The following R3HDM2 variants were observed in gnomAD, a reference collection of about 807,000 sequenced individuals.
R3HDM2 encodes the protein R3H domain-containing protein 2.
R3HDM2 carries 38 observed loss-of-function variants against 124.5 expected under a neutral mutation model. The ratio of observed to expected loss-of-function variants is 0.31; its 90% confidence interval spans 0.24 to 0.40. R3HDM2 has a LOEUF of 0.40. R3HDM2 is among the 10% of genes least tolerant of loss of function. R3HDM2 has a pLI of 1.00. For synonymous variants in R3HDM2, 391 were observed against 448.0 expected (o/e 0.87, Z 1.61); for missense variants, 869 against 1,236.9 (o/e 0.70, Z 4.46).
intron 2 of R3HDM2, among the ~76,000 whole-genome samples, chr12:57,368,955 T>C (rs538631915): frequency 6.6e-6 from 1 of 152,190 alleles, no homozygotes. Flanking sequence ...GGCTGAGAAT[T>C]TGTCTGTCAT....
At chr12:57,409,309 C>A (rs1003384378) in intron 1 of R3HDM2, among the ~76,000 whole-genome samples, 2 of 151,990 alleles carry the variant, frequency 1.3e-5, no homozygotes, top group African/African-American at 2.4e-5. Context: ...TCAAATTTTA[C>A]ACAGATCACA....
At chr12:57,260,643 G>A (rs915031747) in intron 19 of R3HDM2, among the ~76,000 whole-genome samples, 1 of 152,166 alleles carries the variant, frequency 6.6e-6, no homozygotes, top group Non-Finnish European at 1.5e-5. Context: ...CTATATTCCT[G>A]TTGAGGCTGA....
intron 1 of R3HDM2, among the ~76,000 whole-genome samples, chr12:57,421,588 GC>G (rs898673449): frequency 2.1e-4 from 32 of 151,052 alleles, no homozygotes; most frequent in African/African-American, 7.8e-4. Context: ...GCTTACTGCA[GC>G]CTTGATTCCC....
chr12:57,295,343 C>T, intron 10 of R3HDM2, 56 bp downstream of exon 10: 1 of 1,221,980 alleles, frequency 8.2e-7, no homozygotes, highest in South Asian at 1.3e-5. Flanking sequence ...CTTCTCCCTT[C>T]CCAGTTTCTC....
At chr12:57,354,893 C>T (rs2061088614) in intron 2 of R3HDM2, among the ~76,000 whole-genome samples, 1 of 151,894 alleles carries the variant, frequency 6.6e-6, no homozygotes, top group South Asian at 2.1e-4. Flanking sequence ...GGGATGATCA[C>T]AGCTCACTGC....
chr12:57,394,781 G>A (rs1371271482), intron 2 of R3HDM2, among the ~76,000 whole-genome samples: 1 of 151,976 alleles, frequency 6.6e-6, no homozygotes. Context: ...ATCTCAAGCG[G>A]GAAGAAATCA....
At chr12:57,374,361 T>A (rs1374814241) in intron 2 of R3HDM2, among the ~76,000 whole-genome samples, 2 of 151,046 alleles carry the variant, frequency 1.3e-5, no homozygotes, top group African/African-American at 4.9e-5. Context: ...GGCTGGACAG[T>A]CAATCATAAA....
chr12:57,254,917 C>A lies in R3HDM2; in HGVS notation c.2829G>T (p.Leu943Phe). Residue 943 changes from leucine (L) to phenylalanine (F), a missense_variant, in exon 24 of 24, where the codon TTG becomes TTT. By Grantham distance (22) the Leu-to-Phe change is conservative. Coordinates refer to ENST00000402412, the MANE Select transcript of R3HDM2 (RefSeq NM_001394031.1). ...ENGRHSDLAA[L>F]YTIVAVFPSP... ...TGGGGAACACAGCCACAATGGTGTA[C>A]AAGGCAGCGAGGTCCGAGTGGCGGC... 6.2e-7 allele frequency: 1 copy of A among 1,614,132 alleles called. No homozygotes were observed. Among genetic ancestry groups the A allele is most frequent in the Non-Finnish European group, 8.5e-7 (1 of 1,180,010 alleles).
chr12:57,300,277 G>C (rs1592946350), intron 4 of R3HDM2, 96 bp from the exon 5 acceptor site: 1 of 1,095,896 alleles, frequency 9.1e-7, no homozygotes, highest in African/African-American at 1.6e-5. Flanking sequence ...TGAATGAAAA[G>C]TGTCCTCTTT....
intron 11 of R3HDM2, among the ~76,000 whole-genome samples, chr12:57,289,621 T>C (rs747784834): frequency 6.6e-6 from 1 of 152,206 alleles, no homozygotes; most frequent in Non-Finnish European, 1.5e-5. Context: ...TTGGGGATCA[T>C]TTCCTGACAA....
rs1358712971 is a variant in R3HDM2 at position 57,284,033 on chromosome 12, C to T, written c.962G>A (p.Arg321His). Residue 321 changes from arginine (R) to histidine (H), a missense_variant, in exon 13 of 24, where the codon CGC (arginine) becomes CAC (histidine). By Grantham distance (29) the Arg-to-His change is conservative. Transcript: ENST00000402412. The stretch of plus-strand genomic sequence containing the variant: ...GCTGCTCTGGCGGCTGCTTGAGGTG[C>T]GGCTCAGTCCTTCACGGTTCCCCCT... ...DIRGNREGLS[R>H]TSSSRQSSTD... is the part of the protein sequence containing the mutation. 5.0e-6 allele frequency: 8 copies of T among 1,607,400 alleles called. No individual in the cohort carries two copies. Among genetic ancestry groups the T allele is most frequent in the Admixed American group, 3.4e-5 (2 of 58,130 alleles).
At chr12:57,421,903 C>T (rs1397109950) in intron 1 of R3HDM2, among the ~76,000 whole-genome samples, 1 of 151,966 alleles carries the variant, frequency 6.6e-6, no homozygotes, top group East Asian at 1.9e-4. Context: ...TCACGACCAA[C>T]CTGACCAACA....
At chr12:57,402,953 A>G (rs2068177683) in intron 1 of R3HDM2, among the ~76,000 whole-genome samples, 1 of 152,230 alleles carries the variant, frequency 6.6e-6, no homozygotes, top group Non-Finnish European at 1.5e-5. Flanking sequence ...GAAAATATAC[A>G]TATACATACT....
At position 57,255,102 on chromosome 12, in the gene R3HDM2, C is replaced by G; in HGVS notation, c.2644G>C (p.Val882Leu). The G allele has an allele frequency of 6.3e-7, 1 of 1,588,104 alleles. No individual in the cohort carries two copies. Among genetic ancestry groups the G allele is most frequent in the Non-Finnish European group, 8.6e-7 (1 of 1,165,618 alleles). Residue 882 changes from valine to leucine, a missense_variant, in exon 24 of 24, where the codon GTG becomes CTG. Val to Leu is a conservative substitution (Grantham distance 32, BLOSUM62 1). Around this residue, in one of 2 missense-constraint regions of R3HDM2, gnomAD observed 602 missense variants for 789.2 expected, o/e 0.76. Transcript: ENST00000402412. ...LGTADVVLGR[V>L]LEVTDLPEGI... ...TCAGGGAGATCTGTCACCTCCAGCA[C>G]CCGCCCCAGGACTGGAAGGGGAGGA...
chr12:57,370,533 G>A (rs934543920), intron 2 of R3HDM2, among the ~76,000 whole-genome samples: 4 of 151,946 alleles, frequency 2.6e-5, no homozygotes, highest in South Asian at 2.1e-4. Flanking sequence ...CCAGCTACTC[G>A]GGAGGCTGAG....
rs751961050 is a variant in R3HDM2, at chr12:57,280,421, TTGCTGCTGC to T, written c.1272_1280del (p.Gln425_Gln427del). The stretch of plus-strand genomic sequence containing the variant: ...GAGGCGTGGGTGGGAGAGCAGGAAG[TTGCTGCTGC>T]TGCTGCTGCTGTTGCTGCTGGGCAG... On this transcript the variant is annotated inframe_deletion, in exon 14 of 24. Transcript: ENST00000402412. 10 of 1,612,582 alleles carry T rather than the reference TTGCTGCTGC, an allele frequency of 6.2e-6. No homozygotes were observed. Among genetic ancestry groups the T allele is most frequent in the East Asian group, 2.2e-5 (1 of 44,858 alleles).
intron 1 of R3HDM2, among the ~76,000 whole-genome samples, chr12:57,423,918 C>T (rs2070451435): frequency 6.7e-6 from 1 of 149,688 alleles, no homozygotes; most frequent in Admixed American, 6.7e-5. Context: ...AGTTCGAGGC[C>T]AGCCTGACCA....
intron 2 of R3HDM2, among the ~76,000 whole-genome samples, chr12:57,365,212 C>T (rs568792907): frequency 2.0e-5 from 3 of 150,582 alleles, no homozygotes; most frequent in East Asian, 3.9e-4. Context: ...TGCAGTGAGC[C>T]GAGATCATGC....
intron 7 of R3HDM2, chr12:57,297,746 G>A (rs773000722): frequency 1.7e-5 from 6 of 359,100 alleles, no homozygotes; most frequent in Non-Finnish European, 2.5e-5. Context: ...TTTAGCTTAT[G>A]TACAAATCAA....
Sources: allele counts gnomAD v4.1 joint callset (sites outside exome capture counted in the v4.1 genomes callset), GRCh38; gene constraint gnomAD v4.1.1; regional missense constraint gnomAD v4.1.1; transcripts MANE v1.5; gene names NCBI Gene and HGNC (gene_info 2026-07-23, HGNC 2026-07-21).